WWOX: variants seen among roughly 807,000 people sequenced by gnomAD.
WWOX encodes WW domain-containing oxidoreductase.
In WWOX, 69 loss-of-function variants were observed where a neutral mutation model predicts 46.2. That is an observed-to-expected ratio of 1.49 (90% CI 1.23 to 1.82). The LOEUF (loss-of-function observed/expected upper bound fraction) is 1.82, where lower values mean the gene tolerates loss of function less well. WWOX is among the 40% of genes most tolerant of loss of function. The pLI is 0.00. For synonymous variants in WWOX, 359 were observed against 202.6 expected (o/e 1.77, Z -6.56); for missense variants, 919 against 542.6 (o/e 1.69, Z -6.89).
At chr16:78,966,109 A>G (rs960641556) in intron 8 of WWOX, among the ~76,000 whole-genome samples, 15 of 152,192 alleles carry the variant, frequency 9.9e-5, no homozygotes, top group African/African-American at 3.4e-4. Context: ...CTTCTTACCT[A>G]TCAGCTAAAG....
intron 8 of WWOX, among the ~76,000 whole-genome samples, chr16:78,977,911 T>G (rs1168203946): frequency 1.3e-5 from 2 of 152,212 alleles, no homozygotes; most frequent in African/African-American, 4.8e-5. Flanking sequence ...TCACATAATA[T>G]AAGATTAACC....
At chr16:79,179,822 A>C (rs2050874373) in intron 8 of WWOX, among the ~76,000 whole-genome samples, 1 of 152,226 alleles carries the variant, frequency 6.6e-6, no homozygotes, top group Non-Finnish European at 1.5e-5. Flanking sequence ...AGCTGTTTTT[A>C]AACATTTCAG....
intron 5 of WWOX, among the ~76,000 whole-genome samples, chr16:78,300,392 G>A (rs539293004): frequency 5.3e-5 from 8 of 152,144 alleles, no homozygotes; most frequent in African/African-American, 9.6e-5. Flanking sequence ...AGTGGAGGCC[G>A]TTACTCAGTG....
chr16:78,594,919 G>T (rs1441675398), intron 8 of WWOX, among the ~76,000 whole-genome samples: 1 of 152,164 alleles, frequency 6.6e-6, no homozygotes, highest in Non-Finnish European at 1.5e-5. Context: ...ATAATTAAGA[G>T]AACCAGAAGG....
At chr16:79,032,235 TAG>T (rs542907917) in intron 8 of WWOX, among the ~76,000 whole-genome samples, 4 of 146,410 alleles carry the variant, frequency 2.7e-5, no homozygotes, top group South Asian at 2.1e-4. Context: ...TATGTATGTA[TAG>T]AGAGTCTATT....
At chr16:78,155,242 G>T (rs1286370790) in intron 4 of WWOX, among the ~76,000 whole-genome samples, 1 of 151,626 alleles carries the variant, frequency 6.6e-6, no homozygotes, top group Non-Finnish European at 1.5e-5. Context: ...GGAAGGGAGG[G>T]AGGAAGGAAG....
At chr16:78,331,463 T>G (rs1463009420) in intron 5 of WWOX, among the ~76,000 whole-genome samples, 2 of 152,218 alleles carry the variant, frequency 1.3e-5, no homozygotes, top group Non-Finnish European at 2.9e-5. Flanking sequence ...TATATGTAGG[T>G]GAGATTCTTT....
At chr16:78,116,532 A>C (rs529088926) in intron 4 of WWOX, among the ~76,000 whole-genome samples, 1 of 152,318 alleles carries the variant, frequency 6.6e-6, no homozygotes, top group South Asian at 2.1e-4. Flanking sequence ...CTCATACCTC[A>C]TCCTGGGCTC....
chr16:78,198,453 A>T (rs145246795), intron 5 of WWOX, among the ~76,000 whole-genome samples: 24 of 151,978 alleles, frequency 1.6e-4, no homozygotes, highest in African/African-American at 5.1e-4. Context: ...CACACCCTCC[A>T]CTCTGTCCAC....
chr16:78,100,292 A>G (rs1204014659), intron 1 of WWOX: 2 of 1,053,444 alleles, frequency 1.9e-6, no homozygotes, highest in Non-Finnish European at 2.3e-6. Flanking sequence ...TTGCTCAGTC[A>G]TCCAGGCTGG....
intron 8 of WWOX, among the ~76,000 whole-genome samples, chr16:79,171,113 G>C (rs986861035): frequency 6.6e-6 from 1 of 152,216 alleles, no homozygotes; most frequent in South Asian, 2.1e-4. Context: ...GCACGTGAGA[G>C]TGAGAGGGAT....
chr16:78,321,673 A>C (rs1004366142), intron 5 of WWOX, among the ~76,000 whole-genome samples: 4 of 152,114 alleles, frequency 2.6e-5, no homozygotes, highest in African/African-American at 9.7e-5. Flanking sequence ...GAGTGCATGG[A>C]AAAGTAAATG....
At chr16:78,718,252 A>G (rs1288710252) in intron 8 of WWOX, among the ~76,000 whole-genome samples, 1 of 151,996 alleles carries the variant, frequency 6.6e-6, no homozygotes, top group Non-Finnish European at 1.5e-5. Flanking sequence ...CTGTTGTACC[A>G]CAGAGACCAT....
At chr16:78,805,997 G>C (rs1214428990) in intron 8 of WWOX, among the ~76,000 whole-genome samples, 1 of 152,062 alleles carries the variant, frequency 6.6e-6, no homozygotes, top group Non-Finnish European at 1.5e-5. Flanking sequence ...CTTAAGACAA[G>C]AAATCTTTCA....
intron 8 of WWOX, among the ~76,000 whole-genome samples, chr16:79,010,953 A>C (rs956287723): frequency 8.6e-5 from 13 of 151,938 alleles, no homozygotes; most frequent in African/African-American, 3.1e-4. Flanking sequence ...TTCTACTTGG[A>C]GAGAAATAGG....
At chr16:78,419,196 G>A (rs1006269217) in intron 6 of WWOX, among the ~76,000 whole-genome samples, 1 of 152,212 alleles carries the variant, frequency 6.6e-6, no homozygotes, top group African/African-American at 2.4e-5. Context: ...ATTTAATATT[G>A]TATAGCTGAC....
chr16:78,616,100 C>G (rs114199762), intron 8 of WWOX, among the ~76,000 whole-genome samples: 1 of 152,036 alleles, frequency 6.6e-6, no homozygotes, highest in African/African-American at 2.4e-5. Context: ...TCACTTCCTA[C>G]GTAGAATTCC....
At chr16:78,290,494 CTGT>C (rs1431644695) in intron 5 of WWOX, among the ~76,000 whole-genome samples, 3 of 152,274 alleles carry the variant, frequency 2.0e-5, no homozygotes, top group African/African-American at 7.2e-5. Context: ...TTTCAAACTC[CTGT>C]TGTTCGGTAA....
rs1398785152 is a variant in WWOX at position 79,070,028 on chromosome 16, T to C, written c.1057-141580T>C. On this transcript the variant is annotated intron_variant, in intron 8 of 8. Transcript: ENST00000566780. ...AACATCTTCTGTGAAAAACAATTTA[T>C]TTCCTATTCCAAAATAAATGCAGAA... Among the ~76,000 whole-genome samples the C allele has an allele frequency of 2.6e-5, 4 of 152,230 alleles. No homozygotes were observed. In the East Asian group the frequency reaches 7.7e-4, roughly 29 times the overall value.
Sources: allele counts gnomAD v4.1 joint callset (sites outside exome capture counted in the v4.1 genomes callset), GRCh38; gene constraint gnomAD v4.1.1; transcripts MANE v1.5; gene names NCBI Gene and HGNC (gene_info 2026-07-23, HGNC 2026-07-21).